LRRTM4: variants seen among roughly 807,000 people sequenced by gnomAD.
LRRTM4 encodes the protein leucine rich repeat transmembrane neuronal 4, also known as leucine-rich repeat transmembrane neuronal protein 4.
A neutral mutation model predicts 47.6 loss-of-function variants in LRRTM4; 25 were observed. That is an observed-to-expected ratio of 0.53 (90% CI 0.38 to 0.73). The LOEUF is 0.73. Ranked by LOEUF, LRRTM4 falls within the 30% of genes least tolerant of loss-of-function variation. The pLI is 0.00. For synonymous variants in LRRTM4, 311 were observed against 269.5 expected, an observed-to-expected ratio of 1.15 and a Z score of -1.51; for missense variants, 638 against 713.4, an observed-to-expected ratio of 0.89 and a Z score of 1.20.
intron 3 of LRRTM4, among the ~76,000 whole-genome samples, chr2:77,152,233 G>A (rs1460868956): frequency 3.3e-5 from 5 of 152,116 alleles, no homozygotes; most frequent in Non-Finnish European, 7.3e-5. Flanking sequence ...CCCAAGAGAG[G>A]GCAGAGAGAA....
At chr2:77,357,587 T>C (rs1672015052) in intron 3 of LRRTM4, among the ~76,000 whole-genome samples, 1 of 152,214 alleles carries the variant, frequency 6.6e-6, no homozygotes, top group South Asian at 2.1e-4. Flanking sequence ...AATTTGATTG[T>C]TCACTCTATG....
intron 3 of LRRTM4, among the ~76,000 whole-genome samples, chr2:77,381,306 T>C (rs1673042504): frequency 6.6e-6 from 1 of 152,066 alleles, no homozygotes. Flanking sequence ...AAATGTTACA[T>C]ATACCAAAAG....
At chr2:77,215,372 A>G (rs1674408126) in intron 3 of LRRTM4, among the ~76,000 whole-genome samples, 1 of 152,192 alleles carries the variant, frequency 6.6e-6, no homozygotes, top group Non-Finnish European at 1.5e-5. Flanking sequence ...AGAAGAGTAC[A>G]TTGTCCCAAA....
intron 3 of LRRTM4, among the ~76,000 whole-genome samples, chr2:77,207,623 T>C (rs1674174174): frequency 6.6e-6 from 1 of 151,554 alleles, no homozygotes; most frequent in Non-Finnish European, 1.5e-5. Flanking sequence ...CCTTGATGTC[T>C]CGTTATGCTA....
At chr2:77,067,035 G>C (rs1410507965) in intron 3 of LRRTM4, among the ~76,000 whole-genome samples, 1 of 152,176 alleles carries the variant, frequency 6.6e-6, no homozygotes, top group Non-Finnish European at 1.5e-5. Context: ...AAGGGGTTCT[G>C]ACACTCCGTT....
intron 3 of LRRTM4, among the ~76,000 whole-genome samples, chr2:77,022,828 C>T (rs1442273970): frequency 6.6e-6 from 1 of 152,148 alleles, no homozygotes; most frequent in Non-Finnish European, 1.5e-5. Flanking sequence ...GTGTCTGTGG[C>T]TTTTCAAGGC....
chr2:77,511,494 C>T (rs1401697996), intron 3 of LRRTM4, among the ~76,000 whole-genome samples: 2 of 151,258 alleles, frequency 1.3e-5, no homozygotes, highest in Admixed American at 1.3e-4. Context: ...TGCTAAATGC[C>T]ATAACCTTAT....
chr2:76,848,477 T>G (rs919774961), intron 3 of LRRTM4, among the ~76,000 whole-genome samples: 1 of 152,152 alleles, frequency 6.6e-6, no homozygotes, highest in Non-Finnish European at 1.5e-5. Context: ...TTGGAGGATA[T>G]TTTGACATTT....
At chr2:77,442,650 A>G (rs1013080771) in intron 3 of LRRTM4, among the ~76,000 whole-genome samples, 4 of 152,204 alleles carry the variant, frequency 2.6e-5, no homozygotes, top group Non-Finnish European at 5.9e-5. Context: ...TCCAACATAC[A>G]TTTTTGGTAA....
intron 3 of LRRTM4, among the ~76,000 whole-genome samples, chr2:76,772,539 A>T (rs1407294041): frequency 1.3e-5 from 2 of 152,218 alleles, no homozygotes; most frequent in Non-Finnish European, 2.9e-5. Flanking sequence ...AAAACTGAAC[A>T]TGACAGTCTC....
At position 76,982,399 on chromosome 2, in the gene LRRTM4, T is replaced by C. The variant is rs140365208; in HGVS notation, c.1552-233483A>G. Among the ~76,000 whole-genome samples, 933 of 152,234 alleles carry C rather than the reference T, an allele frequency of 6.1e-3. 11 individuals carry two copies. The highest frequency in any genetic ancestry group is 0.021 in the African/African-American group (870 of 41,572). ...AAATTTTACTTTTGGGCAATCAGGC[T>C]CTTTCTTTGCTCATGAAGTAAATGG... On this transcript the variant is annotated intron_variant, in intron 3 of 3. Coordinates refer to ENST00000409884, the MANE Select transcript of LRRTM4 (RefSeq NM_001134745.3).
At chr2:77,362,117 G>GAAAGAAAGAAAGAAAGAAAGA in intron 3 of LRRTM4, among the ~76,000 whole-genome samples, 1 of 97,420 alleles carries the variant, frequency 1.0e-5, no homozygotes, top group South Asian at 3.7e-4. Context: ...AAGAAAGAGA[G>GAAAGAAAGAAAGAAAGAAAGA]AAAGAAAGAA....
rs142426692 is a variant in LRRTM4, at chr2:77,354,884, C to A, written c.1551+163434G>T. On this transcript the variant is annotated intron_variant, in intron 3 of 3. Coordinates refer to ENST00000409884, the MANE Select transcript of LRRTM4 (RefSeq NM_001134745.3). ...AGCACCCTGGGTGGTACACAAAGCCCACTTTTCTCTGTCCCTCATTGGTTA... is the reference window on the plus strand; with the variant it reads ...AGCACCCTGGGTGGTACACAAAGCCAACTTTTCTCTGTCCCTCATTGGTTA... 2.9e-3 allele frequency among the ~76,000 whole-genome samples: 434 copies of A among 152,250 alleles called. 3 individuals carry two copies. The highest frequency in any genetic ancestry group is 8.8e-3 in the African/African-American group (365 of 41,560).
intron 3 of LRRTM4, among the ~76,000 whole-genome samples, chr2:76,750,181 T>C (rs1672804670): frequency 6.6e-6 from 1 of 152,226 alleles, no homozygotes; most frequent in Admixed American, 6.5e-5. Context: ...TATATCAATT[T>C]ATTCCCACAG....
At chr2:76,955,563 A>G (rs1352015093) in intron 3 of LRRTM4, among the ~76,000 whole-genome samples, 1 of 151,890 alleles carries the variant, frequency 6.6e-6, no homozygotes. Flanking sequence ...CAAGACAGCG[A>G]TATGAACTGT....
chr2:76,883,676 C>A (rs56938602), intron 3 of LRRTM4, among the ~76,000 whole-genome samples: 1 of 152,280 alleles, frequency 6.6e-6, no homozygotes, highest in Non-Finnish European at 1.5e-5. Flanking sequence ...AAATCCCCAT[C>A]TCAGGAATTA....
intron 3 of LRRTM4, among the ~76,000 whole-genome samples, chr2:76,984,885 C>T (rs952607833): frequency 1.3e-5 from 2 of 152,024 alleles, no homozygotes; most frequent in East Asian, 3.9e-4. Flanking sequence ...CATACATTTG[C>T]ACAAGTAGAT....
chr2:77,367,220 G>A (rs1297923473), intron 3 of LRRTM4, among the ~76,000 whole-genome samples: 6 of 151,196 alleles, frequency 4.0e-5, no homozygotes, highest in Non-Finnish European at 7.4e-5. Context: ...CCTAACCTCT[G>A]TGAATGCCCC....
chr2:76,958,938 T>C (rs543836589), intron 3 of LRRTM4, among the ~76,000 whole-genome samples: 1 of 151,704 alleles, frequency 6.6e-6, no homozygotes, highest in African/African-American at 2.4e-5. Context: ...AACGCTTGTG[T>C]AGAGCTTGTG....
Sources: allele counts gnomAD v4.1 joint callset (sites outside exome capture counted in the v4.1 genomes callset), GRCh38; gene constraint gnomAD v4.1.1; transcripts MANE v1.5; gene names NCBI Gene and HGNC (gene_info 2026-07-23, HGNC 2026-07-21).